PLCB1: variants seen among roughly 807,000 people sequenced by gnomAD.
The protein encoded by PLCB1 is 1-phosphatidylinositol 4,5-bisphosphate phosphodiesterase beta-1.
In PLCB1, 46 loss-of-function variants were observed where a neutral mutation model predicts 161.8. The observed-to-expected ratio is 0.28, with a 90% confidence interval of 0.22 to 0.36. The LOEUF (loss-of-function observed/expected upper bound fraction) is 0.36. Among genes scored for constraint, PLCB1 ranks in the 10% least tolerant of loss-of-function variants. The pLI is 1.00. For synonymous variants in PLCB1, 517 were observed against 503.7 expected (o/e 1.03, Z -0.35); for missense variants, 1,016 against 1,472.5 (o/e 0.69, Z 5.07).
At chr20:8,726,058 T>G (rs1355796998) in intron 16 of PLCB1, among the ~76,000 whole-genome samples, 1 of 152,000 alleles carries the variant, frequency 6.6e-6, no homozygotes, top group Non-Finnish European at 1.5e-5. Context: ...TTGGAGAAGG[T>G]GAGAAGATGG....
At chr20:8,551,737 C>A (rs1185746109) in intron 3 of PLCB1, among the ~76,000 whole-genome samples, 1 of 152,182 alleles carries the variant, frequency 6.6e-6, no homozygotes, top group Non-Finnish European at 1.5e-5. Context: ...GCTTGCTCAA[C>A]AGTGCAGCCC....
intron 2 of PLCB1, among the ~76,000 whole-genome samples, chr20:8,276,269 A>G (rs1318961309): frequency 2.0e-5 from 3 of 152,204 alleles, no homozygotes; most frequent in Non-Finnish European, 2.9e-5. Flanking sequence ...CTAGTTTTCC[A>G]TGTTTTATTT....
rs74720982 is a variant in PLCB1 at position 8,817,931 on chromosome 20, T to C, written c.3423+27670T>C. Among the ~76,000 whole-genome samples the C allele has an allele frequency of 1.0e-2, 1,517 of 152,226 alleles. 36 individuals carry two copies. The highest frequency in any genetic ancestry group is 0.034 in the African/African-American group (1,399 of 41,526). On this transcript the variant is annotated intron_variant, in intron 31 of 31. Coordinates refer to ENST00000338037, the MANE Select transcript of PLCB1 (RefSeq NM_015192.4). ...AAATTGATTCTCTATAAGTGAAAAA[T>C]ATATTTAAAATGCAATGCATAGTTA...
At position 8,853,612 on chromosome 20, in the gene PLCB1, C is replaced by G. The variant is rs145851908; in HGVS notation, c.3424-28010C>G. Among the ~76,000 whole-genome samples the G allele has an allele frequency of 4.6e-4, 70 of 152,242 alleles. 1 individual carries two copies. Among genetic ancestry groups the G allele is most frequent in the African/African-American group, 1.7e-3 (69 of 41,542 alleles). ...TGTTGATGGACATTTAGGTTGTTTCCAGCTTTTGCCTATTACATGTGGTGC... is the reference window on the plus strand; with the variant it reads ...TGTTGATGGACATTTAGGTTGTTTCGAGCTTTTGCCTATTACATGTGGTGC... On this transcript the variant is annotated intron_variant, in intron 31 of 31. Transcript: ENST00000338037.
At chr20:8,647,111 A>C (rs1001257728) in intron 5 of PLCB1, among the ~76,000 whole-genome samples, 4 of 152,074 alleles carry the variant, frequency 2.6e-5, no homozygotes, top group Non-Finnish European at 4.4e-5. Flanking sequence ...GAGTTTGTTA[A>C]CTTAAGGACT....
In PLCB1 at chr20:8,543,067, C is replaced by T. The variant is rs115704377; in HGVS notation, c.247-85227C>T. 8.1e-3 allele frequency among the ~76,000 whole-genome samples: 1,238 copies of T among 152,238 alleles called. 23 individuals are homozygous for T. Among genetic ancestry groups the T allele is most frequent in the African/African-American group, 0.028 (1,182 of 41,524 alleles). ...CTCTAGCACCTTGGTAATCAAAATACCTCCGTATTAGCAGTTTATCGGAAA... is the reference window on the plus strand; with the variant it reads ...CTCTAGCACCTTGGTAATCAAAATATCTCCGTATTAGCAGTTTATCGGAAA... On this transcript the variant is annotated intron_variant, in intron 3 of 31. Coordinates refer to ENST00000338037, the MANE Select transcript of PLCB1 (RefSeq NM_015192.4).
At chr20:8,272,100 C>T (rs879296350) in intron 2 of PLCB1, among the ~76,000 whole-genome samples, 2 of 151,972 alleles carry the variant, frequency 1.3e-5, no homozygotes, top group Non-Finnish European at 2.9e-5. Flanking sequence ...TCAAGCCAGT[C>T]TTTGGGGCAA....
chr20:8,554,109 G>C (rs528430199), intron 3 of PLCB1, among the ~76,000 whole-genome samples: 1 of 151,088 alleles, frequency 6.6e-6, no homozygotes, highest in African/African-American at 2.4e-5. Context: ...AGTAAGGCCA[G>C]GTGTTGGCAA....
At chr20:8,662,075 A>ACATAAGTATATATTATTTAT in intron 9 of PLCB1, among the ~76,000 whole-genome samples, 1 of 1,244 alleles carries the variant, frequency 8.0e-4, no homozygotes, top group African/African-American at 1.8e-3. Flanking sequence ...TATATTTATT[A>ACATAAGTATATATTATTTAT]TACAGTTATA....
chr20:8,856,476 C>A (rs548440510), intron 31 of PLCB1, among the ~76,000 whole-genome samples: 1 of 151,842 alleles, frequency 6.6e-6, no homozygotes, highest in African/African-American at 2.4e-5. Flanking sequence ...ATTAGCTGGG[C>A]GTGGGGGCAC....
chr20:8,579,888 G>T (rs1986779683), intron 3 of PLCB1, among the ~76,000 whole-genome samples: 1 of 152,010 alleles, frequency 6.6e-6, no homozygotes, highest in Non-Finnish European at 1.5e-5. Context: ...TGTGAGCAAG[G>T]TCTTTTATTG....
At chr20:8,594,035 C>T (rs6118261) in intron 3 of PLCB1, among the ~76,000 whole-genome samples, 5 of 152,058 alleles carry the variant, frequency 3.3e-5, no homozygotes, top group Non-Finnish European at 7.4e-5. Flanking sequence ...GAGCTGTGCA[C>T]CACCATTCCC....
At chr20:8,473,490 C>G (rs529111459) in intron 3 of PLCB1, among the ~76,000 whole-genome samples, 40 of 152,280 alleles carry the variant, frequency 2.6e-4, no homozygotes, top group African/African-American at 9.4e-4. Context: ...CTTTATATCT[C>G]CTGAATCTCC....
chr20:8,237,282 A>G (rs1247852534), intron 2 of PLCB1, among the ~76,000 whole-genome samples: 1 of 152,092 alleles, frequency 6.6e-6, no homozygotes, highest in Non-Finnish European at 1.5e-5. Flanking sequence ...GTAGGCAGAC[A>G]TTAAGAAAGC....
At chr20:8,778,939 C>T (rs1207277868) in intron 27 of PLCB1, among the ~76,000 whole-genome samples, 1 of 152,172 alleles carries the variant, frequency 6.6e-6, no homozygotes, top group Non-Finnish European at 1.5e-5. Context: ...AATCTTTTGA[C>T]TGAAAGGCAC....
chr20:8,398,493 T>C (rs1978389871), intron 3 of PLCB1, among the ~76,000 whole-genome samples: 1 of 152,154 alleles, frequency 6.6e-6, no homozygotes, highest in African/African-American at 2.4e-5. Flanking sequence ...GCAAATCTCA[T>C]GTCTGCTGAG....
intron 31 of PLCB1, among the ~76,000 whole-genome samples, chr20:8,846,951 T>A (rs1447867238): frequency 6.6e-6 from 1 of 152,186 alleles, no homozygotes; most frequent in African/African-American, 2.4e-5. Flanking sequence ...TATTTGCCTT[T>A]CTAACCTTCT....
At chr20:8,260,794 G>A (rs1003733515) in intron 2 of PLCB1, among the ~76,000 whole-genome samples, 3 of 152,074 alleles carry the variant, frequency 2.0e-5, no homozygotes, top group Non-Finnish European at 4.4e-5. Flanking sequence ...CTATACCCAA[G>A]GCATGTGCAT....
intron 27 of PLCB1, among the ~76,000 whole-genome samples, chr20:8,779,507 CAAAAAAAAAA>C (rs373073139): frequency 4.9e-5 from 5 of 102,514 alleles, no homozygotes; most frequent in East Asian, 3.0e-4. Context: ...CACTTTTGTG[CAAAAAAAAAA>C]AAAAAAAAAA....
Sources: allele counts gnomAD v4.1 joint callset (sites outside exome capture counted in the v4.1 genomes callset), GRCh38; gene constraint gnomAD v4.1.1; transcripts MANE v1.5; gene names NCBI Gene and HGNC (gene_info 2026-07-23, HGNC 2026-07-21).